TCF4: variants seen among roughly 807,000 people sequenced by gnomAD.
TCF4 encodes the protein SL3-3 enhancer factor 2.
In TCF4, 3 loss-of-function variants were observed where a neutral mutation model predicts 82.1. The ratio of observed to expected loss-of-function variants is 0.04; its 90% CI spans 0.02 to 0.09. TCF4 has a LOEUF of 0.09. TCF4 is among the 10% of genes least tolerant of loss of function. The pLI is 1.00. For missense variants in TCF4, 518 were observed against 852.7 expected (o/e 0.61, Z 4.89); for synonymous variants, 276 against 309.6 (o/e 0.89, Z 1.14).
intron 3 of TCF4, among the ~76,000 whole-genome samples, chr18:55,581,681 C>T (rs752863831): frequency 2.6e-5 from 4 of 151,870 alleles, no homozygotes; most frequent in South Asian, 2.1e-4. Flanking sequence ...AACTACCCAC[C>T]GGACTGATTT....
chr18:55,562,397 G>A (rs72932743), intron 3 of TCF4, among the ~76,000 whole-genome samples: 21,814 of 152,250 alleles, frequency 0.14, 1,974 homozygotes, highest in Non-Finnish European at 0.2. Flanking sequence ...ATATTAGCAT[G>A]AGGCTTTTTT....
intron 3 of TCF4, among the ~76,000 whole-genome samples, chr18:55,512,109 T>C (rs2096834911): frequency 6.6e-6 from 1 of 152,046 alleles, no homozygotes; most frequent in Non-Finnish European, 1.5e-5. Context: ...ATAAAAATAA[T>C]ACAAATTGGC....
At chr18:55,593,466 G>A (rs888660912), upstream of TCF4, among the ~76,000 whole-genome samples, 2 of 152,096 alleles carry the variant, frequency 1.3e-5, no homozygotes, top group African/African-American at 2.4e-5. Flanking sequence ...CCCCATATTT[G>A]CCACTGGATT....
intron 2 of TCF4, among the ~76,000 whole-genome samples, chr18:55,600,646 G>A (rs1399973252): frequency 1.3e-5 from 2 of 152,144 alleles, no homozygotes; most frequent in African/African-American, 4.8e-5. Context: ...TGTACTCCTA[G>A]GCCACAGTAT....
intron 6 of TCF4, among the ~76,000 whole-genome samples, chr18:55,370,474 T>TAGACAGAC (rs111695346): frequency 3.4e-4 from 50 of 147,626 alleles, no homozygotes; most frequent in African/African-American, 1.2e-3. Flanking sequence ...GATAGATAGA[T>TAGACAGAC]AGACAGACAT....
intron 8 of TCF4, among the ~76,000 whole-genome samples, chr18:55,323,639 G>C (rs896997174): frequency 6.6e-6 from 1 of 152,170 alleles, no homozygotes; most frequent in African/African-American, 2.4e-5. Context: ...AGAACAGTTA[G>C]TTGTCAATCT....
At chr18:55,366,973 G>T (rs1251796411) in intron 6 of TCF4, among the ~76,000 whole-genome samples, 2 of 151,998 alleles carry the variant, frequency 1.3e-5, no homozygotes, top group Admixed American at 1.3e-4. Context: ...CACTTACCTG[G>T]ACATTTAATT....
At chr18:55,241,322 G>C (rs2051148145) in intron 15 of TCF4, among the ~76,000 whole-genome samples, 1 of 152,306 alleles carries the variant, frequency 6.6e-6, no homozygotes, top group Non-Finnish European at 1.5e-5. Flanking sequence ...TAACTGGAGA[G>C]AGCTCACCTA....
At chr18:55,468,891 C>CGCCCA (rs1555676454) in intron 3 of TCF4, among the ~76,000 whole-genome samples, 1 of 127,694 alleles carries the variant, frequency 7.8e-6, no homozygotes, top group Non-Finnish European at 1.6e-5. Context: ...GCCCCCCCCC[C>CGCCCA]CCTTGTTCTA....
intron 6 of TCF4, among the ~76,000 whole-genome samples, chr18:55,363,905 C>T (rs2086163264): frequency 6.6e-6 from 1 of 152,046 alleles, no homozygotes; most frequent in African/African-American, 2.4e-5. Flanking sequence ...TGAGAAGATA[C>T]TCCTAATAAA....
chr18:55,471,432 G>C (rs1203463756), intron 3 of TCF4, among the ~76,000 whole-genome samples: 1 of 152,164 alleles, frequency 6.6e-6, no homozygotes, highest in Non-Finnish European at 1.5e-5. Flanking sequence ...CAGGTGCGAT[G>C]GCTCACGCCT....
intron 6 of TCF4, chr18:55,384,292 G>A (rs1326983537): frequency 6.6e-6 from 1 of 152,262 alleles, no homozygotes; most frequent in East Asian, 1.9e-4. Flanking sequence ...CTCACACTCA[G>A]TAGGCCAATG....
chr18:55,251,081 GTAA>G (rs890429938), intron 15 of TCF4, among the ~76,000 whole-genome samples: 6 of 152,156 alleles, frequency 3.9e-5, no homozygotes, highest in Non-Finnish European at 7.3e-5. Flanking sequence ...GTGAATTCTG[GTAA>G]TATGCCCAGC....
intron 3 of TCF4, among the ~76,000 whole-genome samples, chr18:55,468,927 G>C (rs1387599434): frequency 6.8e-6 from 1 of 146,182 alleles, no homozygotes; most frequent in Non-Finnish European, 1.5e-5. Flanking sequence ...CAAGATGGGA[G>C]AATAAAGAGA....
Position 55,571,209 on chromosome 18 carries a change from A to G in TCF4, c.145+14071T>C, listed in dbSNP as rs139483362. 2.6e-5 allele frequency among the ~76,000 whole-genome samples: 4 copies of G among 152,314 alleles called. No homozygotes were observed. In the East Asian group the frequency reaches 7.7e-4, roughly 29 times the overall value. On this transcript the variant is annotated intron_variant, in intron 3 of 19. Transcript: ENST00000354452. ...CTGGAACATGCATAAATAAACTACA[A>G]CCTATTCATCAGCAGAGAAAATTAA...
chr18:55,284,743 G>GA (rs2063337567), intron 8 of TCF4, among the ~76,000 whole-genome samples: 2 of 152,184 alleles, frequency 1.3e-5, no homozygotes, highest in South Asian at 4.1e-4. Flanking sequence ...ATGTTCCATG[G>GA]AAAGCAGAAA....
intron 3 of TCF4, among the ~76,000 whole-genome samples, chr18:55,473,182 CTCTTTTCT>C (rs1339070397): frequency 6.6e-6 from 1 of 151,842 alleles, no homozygotes; most frequent in Non-Finnish European, 1.5e-5. Flanking sequence ...GAACTGTTTC[CTCTTTTCT>C]TCTTTTCTTT....
At position 55,350,860 on chromosome 18, in the gene TCF4, A is replaced by G. The variant is rs771457476; in HGVS notation, c.499+14T>C. 4 of 1,613,092 alleles carry G rather than the reference A, an allele frequency of 2.5e-6. No homozygotes were observed. Among genetic ancestry groups the G allele is most frequent in the South Asian group, 2.2e-5 (2 of 91,046 alleles). ...TAATCATCCCTCAGGCATTCAAACA[A>G]AGGAATACCTTACCCATGGCACTAC... On this transcript the variant is annotated intron_variant, in intron 7 of 19. Coordinates refer to ENST00000354452, the MANE Select transcript of TCF4 (RefSeq NM_001083962.2).
chr18:55,407,461 C>T (rs962740502), intron 5 of TCF4, among the ~76,000 whole-genome samples: 2 of 152,134 alleles, frequency 1.3e-5, no homozygotes, highest in African/African-American at 4.8e-5. Context: ...AACAAGTCGG[C>T]ATCTCCAGTG....
Sources: allele counts gnomAD v4.1 joint callset (sites outside exome capture counted in the v4.1 genomes callset), GRCh38; gene constraint gnomAD v4.1.1; transcripts MANE v1.5; gene names NCBI Gene and HGNC (gene_info 2026-07-23, HGNC 2026-07-21).